The following LSAMP variants were observed in gnomAD, a reference collection of about 807,000 sequenced individuals.
LSAMP encodes limbic system-associated membrane protein.
Under a neutral mutation model 38.6 loss-of-function variants are expected in LSAMP, and 7 were observed. The observed-to-expected ratio is 0.18, with a 90% CI of 0.10 to 0.34. The LOEUF (loss-of-function observed/expected upper bound fraction) is 0.34, where lower values mean the gene tolerates loss of function less well. Among genes scored for constraint, LSAMP ranks in the 10% least tolerant of loss-of-function variants. LSAMP has a pLI of 1.00. For synonymous variants in LSAMP, 154 were observed against 166.8 expected, an observed-to-expected ratio of 0.92 and a Z score of 0.59; for missense variants, 313 against 420.0, an observed-to-expected ratio of 0.75 and a Z score of 2.23.
rs555167942 is a variant in LSAMP, at chr3:115,986,478, C to T, written c.514+33037G>A. 1.4e-4 allele frequency among the ~76,000 whole-genome samples: 21 copies of T among 152,154 alleles called. 1 individual carries two copies. The East Asian group carries it at 3.3e-3, about 24-fold the overall frequency. ...AGAAAGCCAGAATTTCTGGGAAAAACATATGCTTTTTGAATTTTTATTTAA... is the reference window on the plus strand; with the variant it reads ...AGAAAGCCAGAATTTCTGGGAAAAATATATGCTTTTTGAATTTTTATTTAA... On this transcript the variant is annotated intron_variant, in intron 3 of 6. Transcript: ENST00000490035.
chr3:115,988,381 T>G (rs1440045698), intron 3 of LSAMP, among the ~76,000 whole-genome samples: 3 of 152,164 alleles, frequency 2.0e-5, no homozygotes, highest in Non-Finnish European at 4.4e-5. Flanking sequence ...TTTCTCAAGC[T>G]TGCTTCTGGA....
intron 3 of LSAMP, among the ~76,000 whole-genome samples, chr3:115,899,814 G>A (rs545988688): frequency 3.3e-5 from 5 of 152,208 alleles, no homozygotes; most frequent in East Asian, 1.9e-4. Flanking sequence ...GCTTACTGTC[G>A]ACAACAGAAG....
At chr3:116,212,600 C>A (rs920225741) in intron 1 of LSAMP, among the ~76,000 whole-genome samples, 1 of 151,868 alleles carries the variant, frequency 6.6e-6, no homozygotes, top group African/African-American at 2.4e-5. Context: ...CAAAGACACC[C>A]TTCTGAGTTG....
At chr3:116,074,844 C>CTTTTTTTTTTTTTTT (rs1161460100) in intron 2 of LSAMP, among the ~76,000 whole-genome samples, 23 of 128,362 alleles carry the variant, frequency 1.8e-4, no homozygotes, top group African/African-American at 6.5e-4. Flanking sequence ...TTTCTTTATT[C>CTTTTTTTTTTTTTTT]TTTTTTTTTT....
chr3:116,109,448 C>A (rs549403100), intron 1 of LSAMP, among the ~76,000 whole-genome samples: 16 of 151,974 alleles, frequency 1.1e-4, no homozygotes, highest in African/African-American at 3.9e-4. Flanking sequence ...AGGCGACAGG[C>A]GGGAGGGAAA....
chr3:116,285,648 T>A (rs2047185797), intron 1 of LSAMP, among the ~76,000 whole-genome samples: 1 of 152,322 alleles, frequency 6.6e-6, no homozygotes, highest in South Asian at 2.1e-4. Context: ...TCTTTTCTCA[T>A]TAGAATGTAA....
intron 1 of LSAMP, among the ~76,000 whole-genome samples, chr3:116,302,248 T>A (rs576360988): frequency 7.2e-4 from 109 of 152,358 alleles, no homozygotes; most frequent in African/African-American, 2.5e-3. Context: ...CAAGTAAGCA[T>A]GCCTGGGGTG....
At chr3:115,953,382 A>G (rs1938353132) in intron 3 of LSAMP, among the ~76,000 whole-genome samples, 1 of 142,494 alleles carries the variant, frequency 7.0e-6, no homozygotes, top group African/African-American at 2.6e-5. Flanking sequence ...ATTTAATGGG[A>G]TGAAACAAAA....
intron 3 of LSAMP, among the ~76,000 whole-genome samples, chr3:115,972,754 C>A (rs1009903629): frequency 6.6e-6 from 1 of 151,158 alleles, no homozygotes; most frequent in African/African-American, 2.4e-5. Flanking sequence ...CCCATGTAAA[C>A]AGTAGCTTAT....
At chr3:116,002,240 A>G (rs1940016898) in intron 3 of LSAMP, among the ~76,000 whole-genome samples, 1 of 152,026 alleles carries the variant, frequency 6.6e-6, no homozygotes, top group Non-Finnish European at 1.5e-5. Context: ...GCTTACTAAC[A>G]CTTATGCCCT....
chr3:115,834,997 A>G (rs1934737536), intron 6 of LSAMP, among the ~76,000 whole-genome samples: 1 of 152,118 alleles, frequency 6.6e-6, no homozygotes, highest in Non-Finnish European at 1.5e-5. Context: ...TGATAGATGA[A>G]CGTGTGTCAG....
chr3:116,402,790 C>CA (rs2048855001), intron 1 of LSAMP, among the ~76,000 whole-genome samples: 1 of 151,398 alleles, frequency 6.6e-6, no homozygotes, highest in African/African-American at 2.4e-5. Context: ...CCATGTAATA[C>CA]AAAATACTAG....
At chr3:115,939,470 C>T (rs1259921385) in intron 3 of LSAMP, among the ~76,000 whole-genome samples, 3 of 152,120 alleles carry the variant, frequency 2.0e-5, no homozygotes, top group Non-Finnish European at 4.4e-5. Flanking sequence ...TGATGTTATA[C>T]TCAAAGACTC....
rs1299743094 is a variant in LSAMP, at chr3:116,004,391, CA to C, written c.514+15123del. The stretch of plus-strand genomic sequence containing the variant: ...ATCAAGTTCATACAAATAATCTAAG[CA>C]AATGTATATATGTATACTTACATAT... On this transcript the variant is annotated intron_variant, in intron 3 of 6. Transcript: ENST00000490035. Among the ~76,000 whole-genome samples the C allele has an allele frequency of 4.0e-5, 6 of 151,440 alleles. No homozygotes were observed. The South Asian group carries it at 1.2e-3, about 31-fold the overall frequency.
intron 6 of LSAMP, among the ~76,000 whole-genome samples, chr3:115,839,157 AT>A (rs1476518972): frequency 4.6e-5 from 7 of 152,080 alleles, no homozygotes; most frequent in African/African-American, 1.7e-4. Context: ...AATCCCATTT[AT>A]TTGAATGTAA....
rs551586653 is a variant in LSAMP, at chr3:115,851,182, C to T, written c.649+1301G>A. On this transcript the variant is annotated intron_variant, in intron 4 of 6. Coordinates refer to ENST00000490035, the MANE Select transcript of LSAMP (RefSeq NM_002338.5). ...AGAGACAGGGTATCATCATGTTGGCCAGGCTTGTCTCGAACTCCTGACCTC... is the reference window on the plus strand; with the variant it reads ...AGAGACAGGGTATCATCATGTTGGCTAGGCTTGTCTCGAACTCCTGACCTC... Among the ~76,000 whole-genome samples, 11 of 152,252 alleles carry T rather than the reference C, an allele frequency of 7.2e-5. No homozygotes were observed. In the East Asian group the frequency reaches 1.9e-3, roughly 27 times the overall value.
At chr3:116,340,797 C>T (rs2047981841) in intron 1 of LSAMP, among the ~76,000 whole-genome samples, 1 of 151,942 alleles carries the variant, frequency 6.6e-6, no homozygotes, top group African/African-American at 2.4e-5. Flanking sequence ...ACCTCAGAAC[C>T]TAGGAATTAT....
intron 3 of LSAMP, among the ~76,000 whole-genome samples, chr3:115,882,430 ATTCTGAT>A (rs1403766468): frequency 1.3e-5 from 2 of 152,084 alleles, no homozygotes; most frequent in East Asian, 3.9e-4. Context: ...TTCCAGATAC[ATTCTGAT>A]TCAGTAACTG....
chr3:116,161,369 C>T (rs527759795), intron 1 of LSAMP, among the ~76,000 whole-genome samples: 2 of 152,230 alleles, frequency 1.3e-5, no homozygotes, highest in Non-Finnish European at 2.9e-5. Context: ...CTATACTAGT[C>T]TGTAAATAGC....
Sources: allele counts gnomAD v4.1 joint callset (sites outside exome capture counted in the v4.1 genomes callset), GRCh38; gene constraint gnomAD v4.1.1; transcripts MANE v1.5; gene names NCBI Gene and HGNC (gene_info 2026-07-23, HGNC 2026-07-21).